The following AGTPBP1 variants were observed in gnomAD, a reference collection of about 807,000 sequenced individuals.
AGTPBP1 encodes the protein ATP/GTP binding carboxypeptidase 1.
Under a neutral mutation model 143.9 loss-of-function variants are expected in AGTPBP1, and 70 were observed. That is an observed-to-expected ratio of 0.49 (90% CI 0.40 to 0.59). The LOEUF (loss-of-function observed/expected upper bound fraction) is 0.59, where lower values mean the gene tolerates loss of function less well. Among genes scored for constraint, AGTPBP1 ranks in the 20% least tolerant of loss-of-function variants. The pLI is 0.00. For missense variants in AGTPBP1, 1,229 were observed against 1,464.5 expected, an observed-to-expected ratio of 0.84 and a Z score of 2.62; for synonymous variants, 463 against 500.2, an observed-to-expected ratio of 0.93 and a Z score of 0.99.
At chr9:85,782,769 C>G in the AGTPBP1 span, among the ~76,000 whole-genome samples, 1 of 152,162 alleles carries the variant, frequency 6.6e-6, no homozygotes, top group Non-Finnish European at 1.5e-5. Flanking sequence ...AGACGTGATA[C>G]AAACATACGA....
Position 85,575,431 on chromosome 9 carries a change from T to A in AGTPBP1, c.3387A>T (p.Lys1129Asn). Residue 1129 changes from lysine to asparagine, a missense_variant, in exon 25 of 26, where the codon AAA becomes AAT. Coordinates refer to ENST00000357081, the MANE Select transcript of AGTPBP1 (RefSeq NM_001330701.2). ...GTRELEEMGA[K>N]FCVGLLRLKR... The stretch of plus-strand genomic sequence containing the variant: ...TCAAACGTAAAAGACCAACACAAAA[T>A]TTTGCTCCCATCTCTTCCAGTTCTC... 1 of 1,608,908 alleles carries A rather than the reference T, an allele frequency of 6.2e-7. No homozygotes were observed. The highest frequency in any genetic ancestry group is 8.5e-7 in the Non-Finnish European group (1 of 1,178,708).
intron 8 of AGTPBP1, among the ~76,000 whole-genome samples, chr9:85,662,709 C>G (rs761150483): frequency 2.0e-5 from 3 of 152,008 alleles, no homozygotes; most frequent in Non-Finnish European, 4.4e-5. Context: ...TATAACATGC[C>G]TAGGGCCACA....
At chr9:85,619,534 C>G (rs1266449605) in intron 15 of AGTPBP1, among the ~76,000 whole-genome samples, 1 of 152,082 alleles carries the variant, frequency 6.6e-6, no homozygotes, top group Non-Finnish European at 1.5e-5. Context: ...ATAGTAAGAA[C>G]TTTTGCCTCA....
intron 2 of AGTPBP1, among the ~76,000 whole-genome samples, chr9:85,706,305 T>C (rs986015546): frequency 2.9e-5 from 4 of 138,112 alleles, no homozygotes; most frequent in African/African-American, 1.1e-4. Context: ...AGGTCAGGAG[T>C]TCAAGACCAG....
At chr9:85,761,811 A>G in the AGTPBP1 span, among the ~76,000 whole-genome samples, 1 of 152,258 alleles carries the variant, frequency 6.6e-6, no homozygotes, top group African/African-American at 2.4e-5. Flanking sequence ...GCACAGCAAA[A>G]GAAACTACCG....
intron 1 of AGTPBP1, among the ~76,000 whole-genome samples, chr9:85,731,984 T>C (rs942108083): frequency 3.9e-5 from 6 of 152,168 alleles, no homozygotes; most frequent in African/African-American, 1.4e-4. Context: ...CTTTGTGACA[T>C]TTCCATTTTA....
At chr9:85,666,283 A>C (rs1834126855) in intron 8 of AGTPBP1, among the ~76,000 whole-genome samples, 1 of 152,150 alleles carries the variant, frequency 6.6e-6, no homozygotes. Flanking sequence ...TTCTAGATTA[A>C]CAGTTTTAAA....
Position 85,605,438 on chromosome 9 carries a change from C to CA in AGTPBP1, c.2336-8990dup, listed in dbSNP as rs1443170282. ...AAGGAGAAATAAAGACTTCCCCAGA[C>CA]AAAAAAAAGCTGAGGGAATTCATCA... On this transcript the variant is annotated intron_variant, in intron 17 of 25. Transcript: ENST00000357081. Among the ~76,000 whole-genome samples the CA allele has an allele frequency of 1.1e-4, 16 of 151,322 alleles. No homozygotes were observed. The Middle Eastern group carries it at 0.01, about 97-fold the overall frequency.
intron 14 of AGTPBP1, among the ~76,000 whole-genome samples, chr9:85,631,055 T>C (rs1017371710): frequency 1.2e-4 from 19 of 152,200 alleles, no homozygotes; most frequent in African/African-American, 4.3e-4. Context: ...TCTGGGTCAA[T>C]CACTTGTTGT....
chr9:85,719,085 T>C (rs1174804936), intron 1 of AGTPBP1, among the ~76,000 whole-genome samples: 2 of 152,184 alleles, frequency 1.3e-5, no homozygotes, highest in Non-Finnish European at 2.9e-5. Context: ...TGCAGTATAG[T>C]TTGAAGTCAG....
chr9:85,616,831 T>TA (rs1830628647), intron 17 of AGTPBP1, among the ~76,000 whole-genome samples: 1 of 152,026 alleles, frequency 6.6e-6, no homozygotes, highest in South Asian at 2.1e-4. Context: ...GTTAGTAGTT[T>TA]AAAATCACAA....
chr9:85,759,120 G>C, the AGTPBP1 span, among the ~76,000 whole-genome samples: 1 of 152,108 alleles, frequency 6.6e-6, no homozygotes, highest in South Asian at 2.1e-4. Context: ...GATTCATAAA[G>C]CAAGTCCTTA....
chr9:85,686,713 T>G (rs1587901247), intron 3 of AGTPBP1, among the ~76,000 whole-genome samples: 1 of 152,152 alleles, frequency 6.6e-6, no homozygotes. Context: ...AATGAAGCTA[T>G]ATGGGAAGTT....
At chr9:85,658,015 C>T (rs1011092248) in intron 9 of AGTPBP1, among the ~76,000 whole-genome samples, 5 of 151,968 alleles carry the variant, frequency 3.3e-5, no homozygotes, top group Non-Finnish European at 7.4e-5. Context: ...TTTCTACTTG[C>T]TAGTTGTGAA....
the AGTPBP1 span, among the ~76,000 whole-genome samples, chr9:85,753,762 ATAG>A: frequency 1.4e-4 from 2 of 14,506 alleles, no homozygotes; most frequent in East Asian, 3.4e-3. Context: ...CAATAAATAG[ATAG>A]ATAGATAGAT....
chr9:85,575,294 G>T, intron 25 of AGTPBP1, 21 bp downstream of exon 25: 1 of 1,560,578 alleles, frequency 6.4e-7, no homozygotes, highest in Non-Finnish European at 8.6e-7. Context: ...TATAATAAAA[G>T]AAAAAACAAT....
chr9:85,592,474 C>T, intron 19 of AGTPBP1, 86 bp downstream of exon 19: 1 of 885,262 alleles, frequency 1.1e-6, no homozygotes, highest in Non-Finnish European at 1.6e-6. Flanking sequence ...TATCATTATC[C>T]TTATGTTAGA....
intron 1 of AGTPBP1, among the ~76,000 whole-genome samples, chr9:85,722,793 C>T (rs1290731300): frequency 6.6e-6 from 1 of 152,144 alleles, no homozygotes; most frequent in Non-Finnish European, 1.5e-5. Context: ...GCTCTGGTTT[C>T]TCCCCATCTT....
At chr9:85,696,466 G>A (rs902136786) in intron 2 of AGTPBP1, among the ~76,000 whole-genome samples, 8 of 151,926 alleles carry the variant, frequency 5.3e-5, no homozygotes, top group Non-Finnish European at 7.4e-5. Flanking sequence ...TCGAGAGCTC[G>A]AGACCAGCCT....
Sources: allele counts gnomAD v4.1 joint callset (sites outside exome capture counted in the v4.1 genomes callset), GRCh38; gene constraint gnomAD v4.1.1; transcripts MANE v1.5; gene names NCBI Gene and HGNC (gene_info 2026-07-23, HGNC 2026-07-21).